SLC22A14: variants seen among roughly 807,000 people sequenced by gnomAD.
SLC22A14 encodes solute carrier family 22 member 14.
In SLC22A14, 50 loss-of-function variants were observed where a neutral mutation model predicts 53.9. The ratio of observed to expected loss-of-function variants is 0.93; its 90% CI spans 0.74 to 1.17. The LOEUF (loss-of-function observed/expected upper bound fraction) is 1.17, where lower values mean the gene tolerates loss of function less well. Ranked by LOEUF, SLC22A14 falls within the 50% of genes most tolerant of loss-of-function variation. SLC22A14 has a pLI of 0.00. For missense variants in SLC22A14, 671 were observed against 734.7 expected, an observed-to-expected ratio of 0.91 and a Z score of 1.00; for synonymous variants, 312 against 303.0, an observed-to-expected ratio of 1.03 and a Z score of -0.31.
intron 9 of SLC22A14, 29 bp from the exon 10 acceptor site, chr3:38,316,295 C>G (rs768755890): frequency 6.2e-7 from 1 of 1,610,990 alleles, no homozygotes; most frequent in Non-Finnish European, 8.5e-7. Flanking sequence ...CGGCAGACCC[C>G]TCACAGGAGC....
chr3:38,317,602 A>G (rs1260967745), intron 10 of SLC22A14, among the ~76,000 whole-genome samples: 2 of 152,190 alleles, frequency 1.3e-5, no homozygotes, highest in African/African-American at 4.8e-5. Flanking sequence ...CACAGGTTCC[A>G]TGTGCCGCAA....
chr3:38,279,393 T>A (rs1452648210), upstream of SLC22A14, among the ~76,000 whole-genome samples: 4 of 152,206 alleles, frequency 2.6e-5, no homozygotes, highest in Non-Finnish European at 5.9e-5. Flanking sequence ...CTTGCTCCCT[T>A]TAAGACGGAA....
rs1704394028 is a variant in SLC22A14, at chr3:38,309,019, G to C, written c.841G>C (p.Val281Leu). 3 of 1,613,968 alleles carry C rather than the reference G, an allele frequency of 1.9e-6. No individual in the cohort carries two copies. The highest frequency in any genetic ancestry group is 8.5e-7 in the Non-Finnish European group (1 of 1,179,918). Residue 281 changes from valine (V) to leucine (L), a missense_variant, in exon 5 of 11, where the codon GTT becomes CTT. Val to Leu is a conservative substitution (Grantham distance 32). Transcript: ENST00000448498. The part of the protein sequence containing the change: ...AIILGHCFFA[V>L]GAVLLTGIAY... ...TATCCTGGGACACTGCTTTTTCGCT[G>C]TTGGGGCCGTGTTGCTGACAGGGAT...
Position 38,316,399 on chromosome 3 carries a change from C to G in SLC22A14, c.1608C>G (p.Thr536=), listed in dbSNP as rs1575426871. The change falls in exon 10 of 11, where the codon ACC becomes ACG. Residue 536 remains threonine, a synonymous_variant. Coordinates refer to ENST00000448498, the MANE Select transcript of SLC22A14 (RefSeq NM_001320033.2). ...TGTCCCTGACAATCATCAGCCAGAC[C>G]CCCTCCCTCCTGCCCATCTTTCTCT... ...AILSLTIISQ[T]PSLLPIFLCC... 1.2e-6 allele frequency: 2 copies of G among 1,614,038 alleles called. No homozygotes were observed. Among genetic ancestry groups the G allele is most frequent in the Non-Finnish European group, 1.7e-6 (2 of 1,180,004 alleles).
intron 1 of SLC22A14, among the ~76,000 whole-genome samples, chr3:38,300,572 A>G (rs1351186919): frequency 6.6e-6 from 1 of 152,192 alleles, no homozygotes; most frequent in Non-Finnish European, 1.5e-5. Flanking sequence ...TCTTCTCCCA[A>G]TGAAAGTACA....
chr3:38,305,083 T>C (rs576085100), intron 1 of SLC22A14: 1 of 152,362 alleles, frequency 6.6e-6, no homozygotes, highest in East Asian at 1.9e-4. Flanking sequence ...CTTCCAAAAG[T>C]GTCTGCTTTT....
chr3:38,289,489 C>T (rs1018829514), intron 1 of SLC22A14, among the ~76,000 whole-genome samples: 1 of 152,144 alleles, frequency 6.6e-6, no homozygotes, highest in African/African-American at 2.4e-5. Context: ...GGCAGCAAGC[C>T]TCTTGTTCTC....
At chr3:38,288,396 G>A (rs1703836678) in intron 1 of SLC22A14, among the ~76,000 whole-genome samples, 1 of 152,106 alleles carries the variant, frequency 6.6e-6, no homozygotes, top group South Asian at 2.1e-4. Flanking sequence ...TGTGAACATG[G>A]GTGTACAAAT....
At chr3:38,289,940 CCTGGGTTTATATCCTGATCATTGT>C (rs1703876136) in intron 1 of SLC22A14, among the ~76,000 whole-genome samples, 1 of 152,202 alleles carries the variant, frequency 6.6e-6, no homozygotes, top group African/African-American at 2.4e-5. Context: ...GGCTTGAATG[CCTGGGTTTATATCCTGATCATTGT>C]CCCTCCTGCT....
rs1200567602 is a variant in SLC22A14 at position 38,305,636 on chromosome 3, CTTTG to C, written c.1-383_1-380del. On this transcript the variant is annotated intron_variant, in intron 1 of 10. Transcript: ENST00000448498. ...CCTGGCTACAGCCGACGATGCAGATCTTTGTTTGTTTTTGAAGAAAAGGTCCCTA... is the reference window on the plus strand; with the variant it reads ...CCTGGCTACAGCCGACGATGCAGATCTTTGTTTTTGAAGAAAAGGTCCCTA... The C allele has an allele frequency of 4.0e-5, 7 of 174,162 alleles. No individual in the cohort carries two copies. In the East Asian group the frequency reaches 9.7e-4, roughly 24 times the overall value. The allele number at this position is 174,162 out of a possible 1,614,324, so 10.8% of individuals were successfully genotyped here. A position where few individuals can be genotyped will look rare whatever the true frequency, so the allele number is the denominator to read the frequency against.
intron 1 of SLC22A14, among the ~76,000 whole-genome samples, chr3:38,298,065 A>T (rs943601031): frequency 2.6e-5 from 4 of 152,118 alleles, no homozygotes; most frequent in African/African-American, 9.7e-5. Flanking sequence ...TCACTTATTT[A>T]TATTATTATG....
intron 1 of SLC22A14, among the ~76,000 whole-genome samples, chr3:38,289,349 C>T (rs1703860534): frequency 6.6e-6 from 1 of 152,134 alleles, no homozygotes; most frequent in South Asian, 2.1e-4. Flanking sequence ...TTGGCCAGTT[C>T]TCCCACTAAC....
chr3:38,307,653 G>T lies in SLC22A14; in HGVS notation c.708G>T (p.Leu236=). ...FGTAFMNSFH[L]YLFFRFGISQ... The stretch of plus-strand genomic sequence containing the variant: ...CAGCCTTCATGAACAGCTTTCACCT[G>T]TATTTGTTCTTTCGCTTTGGCATCT... Residue 236 remains leucine (L), a synonymous_variant, in exon 4 of 11, where the codon CTG becomes CTT. Transcript: ENST00000448498. This position sits in a 1 kb window ranked among gnomAD's most constrained non-coding sequence, Gnocchi z 4.4. 6.2e-7 allele frequency: 1 copy of T among 1,613,962 alleles called. No individual in the cohort carries two copies. The highest frequency in any genetic ancestry group is 8.5e-7 in the Non-Finnish European group (1 of 1,179,884).
At chr3:38,306,601 C>A in intron 2 of SLC22A14, 59 bp downstream of exon 2, 2 of 1,486,144 alleles carry the variant, frequency 1.3e-6, no homozygotes, top group Non-Finnish European at 1.8e-6. Context: ...GTGCCTCCCA[C>A]CCTCACTGAA....
chr3:38,313,751 T>A lies in SLC22A14; in HGVS notation c.1188T>A (p.Phe396Leu), dbSNP rs972106385. ...CVWFTVSYTY[F>L]TLSLRMRELG... ...GGTTTACCGTCAGTTACACCTATTT[T>A]ACGTTGAGCCTGAGAATGAGAGAGC... The change falls in exon 8 of 11, where the codon TTT (phenylalanine) becomes TTA (leucine). Residue 396 changes from phenylalanine (F) to leucine (L), a missense_variant. Phe to Leu is a conservative substitution (Grantham distance 22). Coordinates refer to ENST00000448498, the MANE Select transcript of SLC22A14 (RefSeq NM_001320033.2). The A allele has an allele frequency of 6.2e-7, 1 of 1,608,110 alleles. No homozygotes were observed. Among genetic ancestry groups the A allele is most frequent in the African/African-American group, 1.3e-5 (1 of 74,446 alleles).
intron 1 of SLC22A14, among the ~76,000 whole-genome samples, chr3:38,292,030 C>A (rs929004608): frequency 6.6e-6 from 1 of 152,212 alleles, no homozygotes; most frequent in Non-Finnish European, 1.5e-5. Context: ...AAGTATTTAA[C>A]CTGCTGTGAG....
At chr3:38,313,308 C>A in intron 6 of SLC22A14, 80 bp from the exon 7 acceptor site, 2 of 1,379,706 alleles carry the variant, frequency 1.4e-6, no homozygotes, top group Non-Finnish European at 2.1e-6. Context: ...CAGGGACAGG[C>A]AGGCCTTGTG....
At chr3:38,303,390 C>A (rs1404870843) in intron 1 of SLC22A14, among the ~76,000 whole-genome samples, 1 of 152,100 alleles carries the variant, frequency 6.6e-6, no homozygotes, top group Non-Finnish European at 1.5e-5. Context: ...GCCACAAGTA[C>A]CACTTTTTAT....
chr3:38,313,356 C>T (rs1275233532), intron 6 of SLC22A14, 32 bp from the exon 7 acceptor site: 2 of 1,559,438 alleles, frequency 1.3e-6, no homozygotes, highest in Admixed American at 1.7e-5. Context: ...GGGTCTTGGC[C>T]CTGCCTCTGA....
Sources: allele counts gnomAD v4.1 joint callset (sites outside exome capture counted in the v4.1 genomes callset), GRCh38; gene constraint gnomAD v4.1.1; non-coding constraint Gnocchi (gnomAD v3.1); transcripts MANE v1.5; gene names NCBI Gene and HGNC (gene_info 2026-07-23, HGNC 2026-07-21).